DNAH3: variants seen among roughly 807,000 people sequenced by gnomAD.
DNAH3 encodes the protein axonemal beta dynein heavy chain 3.
A neutral mutation model predicts 432.5 loss-of-function variants in DNAH3; 332 were observed. The observed-to-expected ratio is 0.77, with a 90% confidence interval of 0.70 to 0.84. The LOEUF is 0.84. Among genes scored for constraint, DNAH3 ranks in the 40% least tolerant of loss-of-function variants. The pLI, the probability that DNAH3 is intolerant of heterozygous loss-of-function variation, is 0.00. For missense variants in DNAH3, 4,861 were observed against 5,114.0 expected, an observed-to-expected ratio of 0.95 and a Z score of 1.51; for synonymous variants, 1,956 against 1,900.2, an observed-to-expected ratio of 1.03 and a Z score of -0.76.
rs1286639529 is a variant in DNAH3 at position 20,936,630 on chromosome 16, AC to A, written c.11859+18del. The stretch of plus-strand genomic sequence containing the variant: ...AAGCAAGCATGCCAGGTTCCCGGTT[AC>A]CCCTGACTCCCAGGTACCTGGAAGA... On this transcript the variant is annotated intron_variant, in intron 60 of 61. Coordinates refer to ENST00000261383, the Ensembl canonical transcript of DNAH3. 1.9e-6 allele frequency: 3 copies of A among 1,572,544 alleles called. No individual in the cohort carries two copies. Among genetic ancestry groups the A allele is most frequent in the Non-Finnish European group, 2.6e-6 (3 of 1,157,664 alleles).
In DNAH3 at chr16:21,049,282, C is replaced by T. The variant is rs149245667; in HGVS notation, c.4461+287G>A. 2.3e-4 allele frequency among the ~76,000 whole-genome samples: 35 copies of T among 152,282 alleles called. No homozygotes were observed. The East Asian group carries it at 5.8e-3, about 25-fold the overall frequency. On this transcript the variant is annotated intron_variant, in intron 31 of 61. Coordinates refer to ENST00000261383, the Ensembl canonical transcript of DNAH3. ...CCTGGCTATACAACCATTTCATGCT[C>T]ATCTCTGTTGCATGAACTTATGCAG... is the stretch of plus-strand genomic sequence containing the variant.
intron 5 of DNAH3, among the ~76,000 whole-genome samples, chr16:21,139,776 CT>C (rs71275930): frequency 0.17 from 14,256 of 85,888 alleles, 895 homozygotes; most frequent in Admixed American, 0.22. Flanking sequence ...CCACCTCATT[CT>C]TTTTTTTTTT....
intron 20 of DNAH3, among the ~76,000 whole-genome samples, chr16:21,081,029 G>A (rs1027577592): frequency 9.2e-5 from 14 of 151,974 alleles, no homozygotes; most frequent in Admixed American, 7.9e-4. Flanking sequence ...GCGATCCTCT[G>A]GCCTTAGCTT....
intron 18 of DNAH3, 59 bp from the exon 19 acceptor site, chr16:21,087,119 C>T (rs747613162): frequency 5.3e-5 from 72 of 1,370,336 alleles, no homozygotes; most frequent in Non-Finnish European, 7.4e-5. Flanking sequence ...TCATGCGTAC[C>T]TTTAATTCCC....
At chr16:21,090,658 A>G (rs1260361095) in intron 18 of DNAH3, among the ~76,000 whole-genome samples, 1 of 152,350 alleles carries the variant, frequency 6.6e-6, no homozygotes, top group South Asian at 2.1e-4. Flanking sequence ...CAAATACTGT[A>G]TGATCTCACT....
intron 57 of DNAH3, among the ~76,000 whole-genome samples, chr16:20,944,928 T>G (rs2083978468): frequency 6.6e-6 from 1 of 152,144 alleles, no homozygotes; most frequent in African/African-American, 2.4e-5. Flanking sequence ...GGGCCTGGCT[T>G]TGGACCCAAA....
intron 49 of DNAH3, among the ~76,000 whole-genome samples, chr16:20,982,333 C>G (rs1161258230): frequency 6.6e-6 from 1 of 152,084 alleles, no homozygotes; most frequent in Non-Finnish European, 1.5e-5. Context: ...TTGCTGTGAG[C>G]TGAGATTGCA....
intron 6 of DNAH3, among the ~76,000 whole-genome samples, chr16:21,135,998 T>G (rs1041848075): frequency 1.3e-5 from 2 of 152,078 alleles, no homozygotes; most frequent in Non-Finnish European, 2.9e-5. Context: ...CGTGAATATG[T>G]GAAGTGCTGG....
At chr16:21,142,352 A>G (rs996684159) in intron 3 of DNAH3, among the ~76,000 whole-genome samples, 3 of 152,142 alleles carry the variant, frequency 2.0e-5, no homozygotes, top group Non-Finnish European at 2.9e-5. Context: ...GGGCAATGAG[A>G]GCGAAACTCC....
intron 18 of DNAH3, among the ~76,000 whole-genome samples, chr16:21,088,027 C>G (rs991993534): frequency 1.3e-5 from 2 of 152,094 alleles, no homozygotes; most frequent in African/African-American, 4.8e-5. Flanking sequence ...CCAGCCAAGA[C>G]CTTTCCATGC....
intron 7 of DNAH3, 66 bp from the exon 9 acceptor site, chr16:21,127,878 G>A: frequency 1.9e-6 from 3 of 1,580,546 alleles, no homozygotes; most frequent in South Asian, 2.2e-5. Context: ...CGCAGGACAG[G>A]TTCCAAGGGT....
intron 38 of DNAH3, among the ~76,000 whole-genome samples, chr16:21,025,878 C>T (rs1030438669): frequency 2.0e-5 from 3 of 151,980 alleles, no homozygotes; most frequent in Admixed American, 1.3e-4. Context: ...GGATTACGGG[C>T]ACCCACCACC....
chr16:21,082,485 G>A (rs2091222834), intron 19 of DNAH3, among the ~76,000 whole-genome samples: 1 of 152,108 alleles, frequency 6.6e-6, no homozygotes, highest in Non-Finnish European at 1.5e-5. Context: ...TTACAGGTGT[G>A]AGCCATCATG....
chr16:20,988,654 GTC>G (rs1229748806), intron 44 of DNAH3, among the ~76,000 whole-genome samples: 4 of 152,214 alleles, frequency 2.6e-5, no homozygotes, highest in East Asian at 3.8e-4. Flanking sequence ...TTGTAAAAGA[GTC>G]TATCAATTCA....
At chr16:21,009,747 A>G (rs746330416) in intron 41 of DNAH3, among the ~76,000 whole-genome samples, 1 of 152,118 alleles carries the variant, frequency 6.6e-6, no homozygotes, top group Admixed American at 6.5e-5. Flanking sequence ...GCATGGTGGC[A>G]TGTGCCTGGA....
At position 20,948,643 on chromosome 16, in the gene DNAH3, GA is replaced by G; in HGVS notation, c.11189-7del. The stretch of plus-strand genomic sequence containing the variant: ...GCCTCCGTAATTACATTCCCCTGGG[GA>G]CAACCAACAGAAGGAGAGGTTGAGC... On this transcript the variant is annotated splice_region_variant and splice_polypyrimidine_tract_variant and intron_variant, in intron 56 of 61. Transcript: ENST00000261383. 1 of 1,614,010 alleles carries G rather than the reference GA, an allele frequency of 6.2e-7. No homozygotes were observed.
intron 44 of DNAH3, chr16:20,996,886 A>C: frequency 5.7e-6 from 1 of 174,032 alleles, no homozygotes; most frequent in Non-Finnish European, 1.2e-5. Flanking sequence ...ATTGTTATTA[A>C]TTTTGCTTAG....
At chr16:20,994,861 C>T (rs80041878) in intron 44 of DNAH3, among the ~76,000 whole-genome samples, 2,146 of 151,430 alleles carry the variant, frequency 0.014, 53 homozygotes, top group African/African-American at 0.049. Context: ...TAAAAAAATC[C>T]TCCTTTTATT....
At chr16:21,095,774 GT>G (rs961457645) in intron 18 of DNAH3, among the ~76,000 whole-genome samples, 2 of 151,704 alleles carry the variant, frequency 1.3e-5, no homozygotes, top group African/African-American at 2.4e-5. Flanking sequence ...TATAAATACT[GT>G]TTTTTTTGAG....
Sources: allele counts gnomAD v4.1 joint callset (sites outside exome capture counted in the v4.1 genomes callset), GRCh38; gene constraint gnomAD v4.1.1; transcripts MANE v1.5; gene names NCBI Gene and HGNC (gene_info 2026-07-23, HGNC 2026-07-21).